RPS6KA2: variants seen among roughly 807,000 people sequenced by gnomAD.
RPS6KA2 encodes the protein ribosomal protein S6 kinase A2.
In RPS6KA2, 42 loss-of-function variants were observed where a neutral mutation model predicts 91.8. The observed-to-expected ratio is 0.46, with a 90% CI of 0.36 to 0.59. The LOEUF is 0.59. Among genes scored for constraint, RPS6KA2 ranks in the 20% least tolerant of loss-of-function variants. The probability of loss-of-function intolerance (pLI) is 0.00; values close to 1 mark genes in which losing one functional copy is unlikely to be tolerated. For synonymous variants in RPS6KA2, 414 were observed against 393.6 expected (o/e 1.05, Z -0.61); for missense variants, 798 against 978.5 (o/e 0.82, Z 2.46).
In RPS6KA2 at chr6:166,626,844, G is replaced by A; in HGVS notation, c.99+77C>T. 2 of 1,247,128 alleles carry A rather than the reference G, an allele frequency of 1.6e-6. No individual in the cohort carries two copies. The highest frequency in any genetic ancestry group is 2.0e-5 in the South Asian group (1 of 48,862). 77.3% of individuals were successfully genotyped at this position (1,247,128 alleles called of 1,614,324 possible). On this transcript the variant is annotated intron_variant, in intron 1 of 20. Coordinates refer to ENST00000265678, the MANE Select transcript of RPS6KA2 (RefSeq NM_021135.6). This position sits in a 1 kb window ranked among gnomAD's most constrained non-coding sequence, Gnocchi z 4.1. The stretch of plus-strand genomic sequence containing the variant: ...CTGACGGGTCTCGGGGTCCACCCAG[G>A]GGTGGCGAGGCGGGCTCGGGCGACC...
rs1035120529 is a variant in RPS6KA2 at position 166,500,270 on chromosome 6, T to C, written c.604+617A>G. On this transcript the variant is annotated intron_variant, in intron 7 of 20. Coordinates refer to ENST00000265678, the MANE Select transcript of RPS6KA2 (RefSeq NM_021135.6). This position sits in a 1 kb window ranked among gnomAD's most constrained non-coding sequence, Gnocchi z 4.3. ...AAGTTTGTGTGGTTTAAAGCCCCGATGTTCCTGGCATTTTGTTGCAGATGC... is the reference window on the plus strand; with the variant it reads ...AAGTTTGTGTGGTTTAAAGCCCCGACGTTCCTGGCATTTTGTTGCAGATGC... Among the ~76,000 whole-genome samples the C allele has an allele frequency of 6.6e-6, 1 of 152,260 alleles. No individual in the cohort carries two copies. Among genetic ancestry groups the C allele is most frequent in the Non-Finnish European group, 1.5e-5 (1 of 68,038 alleles).
chr6:166,689,368 T>C (rs1789128881), intron 2 of RPS6KA2, among the ~76,000 whole-genome samples: 1 of 152,226 alleles, frequency 6.6e-6, no homozygotes, highest in South Asian at 2.1e-4. Flanking sequence ...CACAGGCACC[T>C]GCCACGGATA....
At chr6:166,841,443 A>G (rs550127787) in intron 2 of RPS6KA2, among the ~76,000 whole-genome samples, 2 of 152,386 alleles carry the variant, frequency 1.3e-5, no homozygotes, top group South Asian at 4.1e-4. Flanking sequence ...GCTGACGATG[A>G]GCTTTTTCCA....
At position 166,799,604 on chromosome 6, in the gene RPS6KA2, TTTA is replaced by T. The variant is rs76152160; in HGVS notation, c.123+58593_123+58595del. ...AAAGCATTTTCATGTTTTTTTTTTT[TTTA>T]AAAGGATGAGAGTGGTGTGAAATCA... On this transcript the variant is annotated intron_variant, in intron 2 of 21. Transcript: ENST00000503859. Among the ~76,000 whole-genome samples, 423 of 79,002 alleles carry T rather than the reference TTTA, an allele frequency of 5.4e-3. 1 individual carries two copies. The highest frequency in any genetic ancestry group is 9.2e-3 in the Non-Finnish European group (321 of 34,982). The allele number at this position is 79,002 out of a possible 152,430, so 51.8% of individuals were successfully genotyped here. A position where few individuals can be genotyped will look rare whatever the true frequency, so the allele number is the denominator to read the frequency against.
chr6:166,744,336 G>C (rs559210078), intron 2 of RPS6KA2, among the ~76,000 whole-genome samples: 51 of 149,738 alleles, frequency 3.4e-4, no homozygotes, highest in African/African-American at 1.2e-3. Flanking sequence ...GGGGTTCCCC[G>C]TGCCTCTGGG....
chr6:166,527,608 T>G (rs575473510), intron 3 of RPS6KA2, among the ~76,000 whole-genome samples: 22 of 152,230 alleles, frequency 1.4e-4, no homozygotes, highest in Non-Finnish European at 3.1e-4. Flanking sequence ...AAGTGTACAA[T>G]TCAATGGTTT....
Position 166,746,020 on chromosome 6 carries a change from TC to T in RPS6KA2, c.123+112179del, listed in dbSNP as rs1201994679. ...TCTGAGCCAGCGGTGCTGCTGTGAG[TC>T]TCTAAGAAGTATCCGTGTTGCAGCT... On this transcript the variant is annotated intron_variant, in intron 2 of 21. Coordinates refer to the RPS6KA2 transcript ENST00000503859. Among the ~76,000 whole-genome samples the T allele has an allele frequency of 1.7e-4, 26 of 152,180 alleles. No homozygotes were observed. The South Asian group carries it at 3.3e-3, about 19-fold the overall frequency.
chr6:166,838,100 C>T (rs901907195), intron 2 of RPS6KA2, among the ~76,000 whole-genome samples: 3 of 152,228 alleles, frequency 2.0e-5, no homozygotes, highest in Admixed American at 2.0e-4. Context: ...ACAGGGAGCA[C>T]CTGAGTCATG....
At chr6:166,621,907 G>A (rs1786650538) in intron 1 of RPS6KA2, among the ~76,000 whole-genome samples, 1 of 152,166 alleles carries the variant, frequency 6.6e-6, no homozygotes, top group African/African-American at 2.4e-5. Flanking sequence ...CCTGGAAGCT[G>A]CCTCAGAGAG....
intron 2 of RPS6KA2, among the ~76,000 whole-genome samples, chr6:166,683,126 G>A (rs1788888058): frequency 6.6e-6 from 1 of 152,134 alleles, no homozygotes; most frequent in Non-Finnish European, 1.5e-5. Flanking sequence ...GCTGCTCAGG[G>A]GTCACAACAT....
At chr6:166,642,091 C>T (rs150943656) in intron 2 of RPS6KA2, among the ~76,000 whole-genome samples, 5 of 151,820 alleles carry the variant, frequency 3.3e-5, no homozygotes, top group Admixed American at 1.3e-4. Flanking sequence ...AAAATGATAC[C>T]TAAATACATC....
chr6:166,758,209 C>T (rs1167644055), intron 2 of RPS6KA2, among the ~76,000 whole-genome samples: 7 of 152,188 alleles, frequency 4.6e-5, no homozygotes, highest in African/African-American at 1.4e-4. Flanking sequence ...CTTTAGGTGG[C>T]GCTGGGTCAG....
intron 13 of RPS6KA2, among the ~76,000 whole-genome samples, chr6:166,450,037 C>G (rs1779826329): frequency 1.3e-5 from 2 of 149,922 alleles, no homozygotes; most frequent in African/African-American, 4.9e-5. Flanking sequence ...ACAGGAGCCA[C>G]CATGGGAACC....
At chr6:166,760,494 C>A (rs1011844681) in intron 2 of RPS6KA2, among the ~76,000 whole-genome samples, 2 of 152,344 alleles carry the variant, frequency 1.3e-5, no homozygotes, top group South Asian at 2.1e-4. Context: ...ACCGCCCCCA[C>A]CCCCATCGCG....
At chr6:166,562,588 A>G (rs2128506124) in intron 1 of RPS6KA2, among the ~76,000 whole-genome samples, 1 of 152,356 alleles carries the variant, frequency 6.6e-6, no homozygotes, top group East Asian at 1.9e-4. Context: ...ACTGGTCCTA[A>G]GCACCTACTA....
rs149238374 is a variant in RPS6KA2 at position 166,717,481 on chromosome 6, G to A, written c.123+140719C>T. Among the ~76,000 whole-genome samples the A allele has an allele frequency of 2.6e-5, 4 of 152,292 alleles. No homozygotes were observed. In the East Asian group the frequency reaches 7.7e-4, roughly 29 times the overall value. The stretch of plus-strand genomic sequence containing the variant: ...ACCCTGAGAATGGGAAGAAGGCCAG[G>A]GAATTTTGCAAGTGGGAGCCAGGTG... On this transcript the variant is annotated intron_variant, in intron 2 of 21. Transcript: ENST00000503859.
intron 1 of RPS6KA2, among the ~76,000 whole-genome samples, chr6:166,588,860 G>A (rs1236316234): frequency 6.6e-6 from 1 of 152,178 alleles, no homozygotes; most frequent in East Asian, 1.9e-4. Flanking sequence ...GCCAGCAGAG[G>A]CCATGCATAG....
At chr6:166,480,524 T>G (rs1381601322) in intron 10 of RPS6KA2, among the ~76,000 whole-genome samples, 1 of 136,116 alleles carries the variant, frequency 7.3e-6, no homozygotes, top group Non-Finnish European at 1.5e-5. Flanking sequence ...TAATATATTT[T>G]TTTTTTTTGA....
At chr6:166,624,817 AAG>A (rs764896477) in intron 1 of RPS6KA2, among the ~76,000 whole-genome samples, 2 of 152,192 alleles carry the variant, frequency 1.3e-5, no homozygotes, top group Admixed American at 1.3e-4. Flanking sequence ...ATTTGTAAAA[AAG>A]AGAGCATTGT....
Sources: allele counts gnomAD v4.1 joint callset (sites outside exome capture counted in the v4.1 genomes callset), GRCh38; gene constraint gnomAD v4.1.1; non-coding constraint Gnocchi (gnomAD v3.1); transcripts MANE v1.5; gene names NCBI Gene and HGNC (gene_info 2026-07-23, HGNC 2026-07-21).